Variants in CDH17 observed in about 807,000 individuals in gnomAD.
CDH17 encodes the protein cadherin 17.
CDH17 carries 67 observed loss-of-function variants against 86.3 expected under a neutral mutation model. The ratio of observed to expected loss-of-function variants is 0.78; its 90% CI spans 0.64 to 0.95. The LOEUF is 0.95. Ranked by LOEUF, CDH17 falls within the 40% of genes least tolerant of loss-of-function variation. The probability of loss-of-function intolerance (pLI) is 0.00; values close to 1 mark genes in which losing one functional copy is unlikely to be tolerated. For missense variants in CDH17, 993 were observed against 1,017.6 expected, an observed-to-expected ratio of 0.98 and a Z score of 0.33; for synonymous variants, 367 against 366.4, an observed-to-expected ratio of 1.00 and a Z score of -0.02.
chr8:94,210,320 G>C (rs189915014), upstream of CDH17, among the ~76,000 whole-genome samples: 62 of 150,828 alleles, frequency 4.1e-4, no homozygotes, highest in Non-Finnish European at 7.8e-4. Flanking sequence ...CCGAAATGGG[G>C]TTCCTCTGTA....
At chr8:94,181,259 T>G (rs1028487516) in intron 3 of CDH17, among the ~76,000 whole-genome samples, 2 of 152,116 alleles carry the variant, frequency 1.3e-5, no homozygotes, top group Admixed American at 1.3e-4. Flanking sequence ...TTCAAGACTT[T>G]ACTTTAAATA....
chr8:94,214,465 A>T (rs978639), intron 1 of CDH17, among the ~76,000 whole-genome samples: 88,203 of 152,056 alleles, frequency 0.58, 27,099 homozygotes, highest in Non-Finnish European at 0.71. Flanking sequence ...CAAAACAATG[A>T]AACTGGACCC....
intron 15 of CDH17, among the ~76,000 whole-genome samples, chr8:94,142,258 C>G (rs1014384409): frequency 6.6e-6 from 1 of 152,282 alleles, no homozygotes; most frequent in Admixed American, 6.5e-5. Context: ...GCAAGTCACA[C>G]AGATTTTTTG....
At chr8:94,168,130 A>ATATATACATG in intron 9 of CDH17, among the ~76,000 whole-genome samples, 1 of 79,356 alleles carries the variant, frequency 1.3e-5, no homozygotes, top group African/African-American at 5.0e-5. Flanking sequence ...ATATATATAT[A>ATATATACATG]TATATATATA....
intron 1 of CDH17, among the ~76,000 whole-genome samples, chr8:94,197,696 C>A (rs1324613044): frequency 6.6e-6 from 1 of 151,622 alleles, no homozygotes; most frequent in African/African-American, 2.4e-5. Flanking sequence ...CCAGAAGTGG[C>A]AGTAGGTGCC....
At chr8:94,216,464 C>T (rs962414323) in intron 1 of CDH17, among the ~76,000 whole-genome samples, 2 of 152,054 alleles carry the variant, frequency 1.3e-5, no homozygotes. Flanking sequence ...GGCGGAGGAC[C>T]CTCACTTCCT....
At chr8:94,137,200 C>G (rs1812546235) in intron 15 of CDH17, among the ~76,000 whole-genome samples, 1 of 152,210 alleles carries the variant, frequency 6.6e-6, no homozygotes, top group Non-Finnish European at 1.5e-5. Flanking sequence ...ATGTTTAAGT[C>G]TGCAGAAGTT....
At chr8:94,187,891 T>C (rs1813611414) in intron 3 of CDH17, among the ~76,000 whole-genome samples, 1 of 152,130 alleles carries the variant, frequency 6.6e-6, no homozygotes, top group Non-Finnish European at 1.5e-5. Flanking sequence ...CTTCCCTGAC[T>C]GGAGAGGTGG....
At chr8:94,177,749 G>T in intron 3 of CDH17, 28 bp from the exon 4 acceptor site, 2 of 1,608,876 alleles carry the variant, frequency 1.2e-6, no homozygotes, top group Non-Finnish European at 1.7e-6. Flanking sequence ...AACAGATTAA[G>T]TTGTAAGGGA....
chr8:94,195,815 C>A (rs993843308), intron 1 of CDH17, among the ~76,000 whole-genome samples: 1 of 151,066 alleles, frequency 6.6e-6, no homozygotes, highest in Admixed American at 6.6e-5. Flanking sequence ...GGCTGGAGTG[C>A]AGTGGCACGA....
chr8:94,198,557 T>TA (rs1233254958), intron 1 of CDH17, among the ~76,000 whole-genome samples: 1 of 152,200 alleles, frequency 6.6e-6, no homozygotes, highest in Non-Finnish European at 1.5e-5. Flanking sequence ...ATATAGGCAA[T>TA]AATGACACAT....
rs1383851740 is a variant in CDH17, at chr8:94,177,649, C to A, written c.223G>T (p.Glu75Ter). The change falls in exon 4 of 18, where the codon GAG becomes TAG. Residue 75 changes from glutamate (E) to a stop codon, truncating the protein, a stop_gained. Transcript: ENST00000027335. LOFTEE classifies it high-confidence loss of function. ...GCTCTGTTGTAATACAGAAGTCCCT[C>A]CCGTTCTATCACAAATATGTTGTCT... ...ETDNIFVIER[E>*]GLLYYNRALD... 3 of 1,613,594 alleles carry A rather than the reference C, an allele frequency of 1.9e-6. No homozygotes were observed. The highest frequency in any genetic ancestry group is 1.7e-5 in the Admixed American group (1 of 59,984).
At chr8:94,167,277 CCAG>C (rs1813175517) in intron 9 of CDH17, among the ~76,000 whole-genome samples, 1 of 152,096 alleles carries the variant, frequency 6.6e-6, no homozygotes, top group African/African-American at 2.4e-5. Flanking sequence ...CTGACAGGTT[CCAG>C]ACCATCCTAC....
intron 17 of CDH17, among the ~76,000 whole-genome samples, chr8:94,129,440 G>A (rs923192359): frequency 2.6e-5 from 4 of 151,952 alleles, no homozygotes; most frequent in Non-Finnish European, 5.9e-5. Context: ...CAGACTGAAG[G>A]GTATAAAGAA....
chr8:94,216,686 CTTCTTCTAA>C (rs1374812108), intron 1 of CDH17, among the ~76,000 whole-genome samples: 1 of 151,722 alleles, frequency 6.6e-6, no homozygotes, highest in African/African-American at 2.4e-5. Context: ...GGTAGCTGTA[CTTCTTCTAA>C]GTTACCACTT....
chr8:94,130,558 G>A, intron 17 of CDH17, 68 bp downstream of exon 17: 1 of 1,057,690 alleles, frequency 9.5e-7, no homozygotes, highest in Non-Finnish European at 1.4e-6. Flanking sequence ...CAGGAAGACA[G>A]GCCCTGAGAT....
intron 3 of CDH17, among the ~76,000 whole-genome samples, chr8:94,178,984 T>G (rs1303945466): frequency 6.6e-6 from 1 of 150,438 alleles, no homozygotes; most frequent in Admixed American, 6.6e-5. Flanking sequence ...AAATTGTAAA[T>G]ATCATCTTTT....
At chr8:94,157,388 T>C (rs1439303666) in intron 12 of CDH17, among the ~76,000 whole-genome samples, 1 of 152,218 alleles carries the variant, frequency 6.6e-6, no homozygotes, top group Non-Finnish European at 1.5e-5. Context: ...GTTATATTTT[T>C]ATTCTATATC....
chr8:94,145,739 T>C (rs1486974049), intron 15 of CDH17, among the ~76,000 whole-genome samples, 189 bp downstream of exon 15: 1 of 152,318 alleles, frequency 6.6e-6, no homozygotes, highest in African/African-American at 2.4e-5. Flanking sequence ...GGTCATAATC[T>C]TTCCTCCCTT....
Sources: gnomAD v4.1 joint callset for allele counts (sites outside exome capture counted in the v4.1 genomes callset) on GRCh38, gnomAD v4.1.1 for gene constraint, MANE v1.5 for transcripts, NCBI Gene and HGNC (gene_info 2026-07-23, HGNC 2026-07-21) for gene names.